Variants in PRKRIP1 observed in about 807,000 individuals in gnomAD.
PRKRIP1 encodes PRKR interacting protein 1.
Under a neutral mutation model 29.3 loss-of-function variants are expected in PRKRIP1, and 29 were observed. The observed-to-expected ratio is 0.99, with a 90% confidence interval of 0.74 to 1.35. The LOEUF (loss-of-function observed/expected upper bound fraction) is 1.35. Among genes scored for constraint, PRKRIP1 ranks in the 40% most tolerant of loss-of-function variants. The pLI is 0.00. For synonymous variants in PRKRIP1, 90 were observed against 85.1 expected (o/e 1.06, Z -0.32); for missense variants, 247 against 236.8 (o/e 1.04, Z -0.28).
chr7:102,401,350 T>A (rs1554571147), intron 3 of PRKRIP1, among the ~76,000 whole-genome samples: 1 of 152,142 alleles, frequency 6.6e-6, no homozygotes, highest in Non-Finnish European at 1.5e-5. Context: ...AATAAAACAT[T>A]AGGGAAAATT....
chr7:102,407,388 C>T, intron 4 of PRKRIP1, 46 bp from the exon 5 acceptor site: 1 of 1,241,542 alleles, frequency 8.1e-7, no homozygotes, highest in Non-Finnish European at 1.2e-6. Context: ...CTAAAATATA[C>T]CATAATGTAG....
chr7:102,414,013 A>G (rs1289062368), intron 5 of PRKRIP1, among the ~76,000 whole-genome samples: 1 of 152,202 alleles, frequency 6.6e-6, no homozygotes, highest in Non-Finnish European at 1.5e-5. Flanking sequence ...AGATCACATG[A>G]GGTCAGGAGT....
chr7:102,401,693 A>G (rs1796077567), intron 3 of PRKRIP1, among the ~76,000 whole-genome samples: 2 of 152,176 alleles, frequency 1.3e-5, no homozygotes, highest in Non-Finnish European at 1.5e-5. Context: ...AGATTGCGCC[A>G]TTACACTCCA....
chr7:102,410,228 G>A (rs1796345270), intron 5 of PRKRIP1, among the ~76,000 whole-genome samples: 1 of 152,194 alleles, frequency 6.6e-6, no homozygotes, highest in Admixed American at 6.6e-5. Context: ...TCTTGGGCAT[G>A]TGCACTGCTC....
chr7:102,413,824 G>C (rs1169647531), intron 5 of PRKRIP1, among the ~76,000 whole-genome samples: 3 of 152,100 alleles, frequency 2.0e-5, no homozygotes, highest in Admixed American at 1.3e-4. Flanking sequence ...TAAAAACAAA[G>C]TGTGTGCTTC....
chr7:102,418,042 TCTTCTTC>T (rs1401694236), intron 5 of PRKRIP1, among the ~76,000 whole-genome samples: 6 of 148,858 alleles, frequency 4.0e-5, no homozygotes, highest in African/African-American at 1.5e-4. Context: ...TTCTTCTTCT[TCTTCTTC>T]TTTTTTTTTT....
intron 3 of PRKRIP1, among the ~76,000 whole-genome samples, chr7:102,404,077 G>T (rs1004382518): frequency 6.6e-6 from 1 of 152,174 alleles, no homozygotes; most frequent in Non-Finnish European, 1.5e-5. Flanking sequence ...GAGACAGGAC[G>T]ATCTATCAAG....
rs34218257 is a variant in PRKRIP1, at chr7:102,397,706, CTGTGTGTGTGTGTGTG to C, written c.205+24_205+39del. 44 of 1,330,768 alleles carry C rather than the reference CTGTGTGTGTGTGTGTG, an allele frequency of 3.3e-5. No individual in the cohort carries two copies. The highest frequency in any genetic ancestry group is 1.9e-4 in the Middle Eastern group (1 of 5,250). 82.4% of individuals were successfully genotyped at this position (1,330,768 alleles called of 1,614,324 possible). A position where few individuals can be genotyped will look rare whatever the true frequency, so the allele number is the denominator to read the frequency against. On this transcript the variant is annotated intron_variant, in intron 2 of 5. Transcript: ENST00000397912. ...TTGTCCGAGATGTCATGGGTAATGG[CTGTGTGTGTGTGTGTG>C]TGTGTGTGTGTGTGTAAATATAATT...
At chr7:102,406,029 A>T (rs1337414712) in intron 4 of PRKRIP1, among the ~76,000 whole-genome samples, 2 of 152,162 alleles carry the variant, frequency 1.3e-5, no homozygotes, top group Non-Finnish European at 2.9e-5. Context: ...AATATGGTGG[A>T]TGAGGCAACA....
intron 5 of PRKRIP1, among the ~76,000 whole-genome samples, chr7:102,408,161 G>A (rs948357031): frequency 1.3e-5 from 2 of 152,108 alleles, no homozygotes; most frequent in Non-Finnish European, 2.9e-5. Context: ...TTCTGGCACC[G>A]TACCTGTGTT....
At chr7:102,401,316 AAC>A (rs1796064480) in intron 3 of PRKRIP1, among the ~76,000 whole-genome samples, 1 of 152,242 alleles carries the variant, frequency 6.6e-6, no homozygotes, top group Admixed American at 6.5e-5. Flanking sequence ...TAATTCTTTT[AAC>A]TTTTCTGTTT....
chr7:102,423,998 G>C (rs1554574141), intron 5 of PRKRIP1, among the ~76,000 whole-genome samples: 1 of 152,242 alleles, frequency 6.6e-6, no homozygotes, highest in Non-Finnish European at 1.5e-5. Flanking sequence ...CATGCTGTGT[G>C]GTATGAGGTT....
intron 5 of PRKRIP1, chr7:102,423,170 A>G (rs782145379): frequency 2.2e-6 from 1 of 448,908 alleles, no homozygotes; most frequent in South Asian, 1.6e-5. Context: ...GCTGGAGTGC[A>G]GTGGCGCTAT....
intron 1 of PRKRIP1, among the ~76,000 whole-genome samples, chr7:102,397,403 G>T (rs1462792315): frequency 1.3e-5 from 2 of 151,980 alleles, no homozygotes; most frequent in Non-Finnish European, 2.9e-5. Flanking sequence ...AAAATTGCCT[G>T]GTGTGGTGGT....
intron 5 of PRKRIP1, among the ~76,000 whole-genome samples, chr7:102,416,258 G>A (rs1487560610): frequency 1.3e-5 from 2 of 152,178 alleles, no homozygotes; most frequent in Admixed American, 6.5e-5. Context: ...CAGAAAGATT[G>A]CAAAGATAGT....
intron 3 of PRKRIP1, among the ~76,000 whole-genome samples, chr7:102,403,855 G>A (rs961689914): frequency 2.6e-5 from 4 of 152,186 alleles, no homozygotes; most frequent in Non-Finnish European, 5.9e-5. Flanking sequence ...AGCAGATGGC[G>A]TGTGTTACGC....
At chr7:102,401,612 A>G (rs1431344990) in intron 3 of PRKRIP1, among the ~76,000 whole-genome samples, 1 of 152,216 alleles carries the variant, frequency 6.6e-6, no homozygotes, top group Non-Finnish European at 1.5e-5. Context: ...ACATGCCTAT[A>G]ATCCCAGCTA....
chr7:102,411,747 A>T (rs1252625615), intron 5 of PRKRIP1, among the ~76,000 whole-genome samples: 9 of 150,750 alleles, frequency 6.0e-5, no homozygotes, highest in African/African-American at 2.2e-4. Context: ...AACCATTTTA[A>T]CGCCCACCAG....
At chr7:102,410,070 C>G (rs1002096662) in intron 5 of PRKRIP1, among the ~76,000 whole-genome samples, 9 of 152,146 alleles carry the variant, frequency 5.9e-5, no homozygotes, top group Non-Finnish European at 8.8e-5. Flanking sequence ...ACCGCATCTC[C>G]CAGTCTTTGC....
Sources: gnomAD v4.1 joint callset for allele counts (sites outside exome capture counted in the v4.1 genomes callset) on GRCh38, gnomAD v4.1.1 for gene constraint, MANE v1.5 for transcripts, NCBI Gene and HGNC (gene_info 2026-07-23, HGNC 2026-07-21) for gene names.